Variants in NEGR1 observed in about 807,000 individuals in gnomAD.
The protein encoded by NEGR1 is neuronal growth regulator 1.
NEGR1 carries 10 observed loss-of-function variants against 40.9 expected under a neutral mutation model. The observed-to-expected ratio is 0.24, with a 90% CI of 0.15 to 0.42. The LOEUF is 0.42. Ranked by LOEUF, NEGR1 falls within the 10% of genes least tolerant of loss-of-function variation. The pLI is 1.00. For synonymous variants in NEGR1, 185 were observed against 166.8 expected, an observed-to-expected ratio of 1.11 and a Z score of -0.84; for missense variants, 352 against 438.9, an observed-to-expected ratio of 0.80 and a Z score of 1.77.
At chr1:71,448,426 GCA>G (rs1646598538) in intron 6 of NEGR1, among the ~76,000 whole-genome samples, 1 of 151,884 alleles carries the variant, frequency 6.6e-6, no homozygotes, top group Non-Finnish European at 1.5e-5. Context: ...TGGCAAAACC[GCA>G]TCTCTACTAA....
At chr1:71,719,123 C>T (rs950060929) in intron 3 of NEGR1, among the ~76,000 whole-genome samples, 3 of 151,882 alleles carry the variant, frequency 2.0e-5, no homozygotes, top group African/African-American at 7.3e-5. Flanking sequence ...TATTTTTTTC[C>T]CTAACATATT....
chr1:71,898,435 G>A (rs909174398), intron 2 of NEGR1, among the ~76,000 whole-genome samples: 1 of 152,022 alleles, frequency 6.6e-6, no homozygotes, highest in African/African-American at 2.4e-5. Flanking sequence ...CTAACACATT[G>A]AAACCCCGTC....
At chr1:71,993,336 G>A (rs1442677614) in intron 1 of NEGR1, among the ~76,000 whole-genome samples, 2 of 152,132 alleles carry the variant, frequency 1.3e-5, no homozygotes, top group African/African-American at 2.4e-5. Context: ...AGAACAGAGA[G>A]GAGACTTAAG....
intron 1 of NEGR1, among the ~76,000 whole-genome samples, chr1:72,141,313 A>T (rs1650668542): frequency 6.6e-6 from 1 of 152,034 alleles, no homozygotes; most frequent in Non-Finnish European, 1.5e-5. Flanking sequence ...CATTTCTAAG[A>T]AATTATAAAA....
intron 2 of NEGR1, among the ~76,000 whole-genome samples, chr1:71,800,517 T>A (rs1394121354): frequency 6.6e-6 from 1 of 152,228 alleles, no homozygotes; most frequent in African/African-American, 2.4e-5. Flanking sequence ...CCTGACATAC[T>A]GTAGGTGCTC....
chr1:71,414,701 G>A (rs1206255566), intron 6 of NEGR1, among the ~76,000 whole-genome samples: 1 of 152,136 alleles, frequency 6.6e-6, no homozygotes, highest in Non-Finnish European at 1.5e-5. Flanking sequence ...GCATGCTCCT[G>A]TACTGTAGAC....
In NEGR1 at chr1:71,637,579, T is replaced by C. The variant is rs542988695; in HGVS notation, c.668-26433A>G. Among the ~76,000 whole-genome samples the C allele has an allele frequency of 2.6e-5, 4 of 152,104 alleles. No individual in the cohort carries two copies. The South Asian group carries it at 6.2e-4, about 24-fold the overall frequency. ...GCTTAGAGGATTATAAAAAAATCTC[T>C]ATAAAAATTTGTACATGATATGTAA... On this transcript the variant is annotated intron_variant, in intron 4 of 6. Transcript: ENST00000357731.
chr1:72,158,585 C>A (rs1413486883), intron 1 of NEGR1, among the ~76,000 whole-genome samples: 3 of 152,178 alleles, frequency 2.0e-5, no homozygotes, highest in Non-Finnish European at 4.4e-5. Context: ...TCTTACTTTC[C>A]TTCTCCTCTG....
intron 6 of NEGR1, among the ~76,000 whole-genome samples, chr1:71,537,840 G>C (rs1647558820): frequency 6.6e-6 from 1 of 151,658 alleles, no homozygotes; most frequent in South Asian, 2.1e-4. Flanking sequence ...TAACTTGTAA[G>C]CAGTGAAATA....
intron 3 of NEGR1, among the ~76,000 whole-genome samples, chr1:71,732,001 G>A (rs1446083089): frequency 1.3e-5 from 2 of 152,124 alleles, no homozygotes; most frequent in African/African-American, 4.8e-5. Context: ...TGAGGCATTG[G>A]TGTTTATTAT....
At chr1:72,060,342 G>C (rs1179305589) in intron 1 of NEGR1, among the ~76,000 whole-genome samples, 1 of 151,580 alleles carries the variant, frequency 6.6e-6, no homozygotes, top group Non-Finnish European at 1.5e-5. Context: ...CTATTGCTCT[G>C]AATTAGTTTT....
chr1:71,809,991 G>A (rs759078305), intron 2 of NEGR1, among the ~76,000 whole-genome samples: 6 of 152,152 alleles, frequency 3.9e-5, no homozygotes, highest in Non-Finnish European at 8.8e-5. Context: ...ATTTTCAAAA[G>A]ATTTTTATTA....
intron 6 of NEGR1, among the ~76,000 whole-genome samples, chr1:71,436,024 A>G (rs1442109015): frequency 6.6e-6 from 1 of 152,172 alleles, no homozygotes; most frequent in Non-Finnish European, 1.5e-5. Context: ...TATGGAAGAG[A>G]ACTCCAATAG....
chr1:72,222,483 T>C (rs1182245873), intron 1 of NEGR1, among the ~76,000 whole-genome samples: 2 of 152,266 alleles, frequency 1.3e-5, no homozygotes, highest in Non-Finnish European at 2.9e-5. Flanking sequence ...CATGAAATCA[T>C]TGAAGAAATA....
chr1:71,777,073 A>C (rs988894629), intron 2 of NEGR1, among the ~76,000 whole-genome samples: 4 of 152,112 alleles, frequency 2.6e-5, no homozygotes, highest in African/African-American at 9.7e-5. Flanking sequence ...TAATCACATA[A>C]TACATTCGGG....
chr1:71,588,404 C>A (rs919445270), intron 6 of NEGR1, among the ~76,000 whole-genome samples: 1 of 152,102 alleles, frequency 6.6e-6, no homozygotes, highest in African/African-American at 2.4e-5. Flanking sequence ...GCACAATATT[C>A]TCTCTGCCTT....
chr1:71,965,376 A>G (rs1646201956), intron 1 of NEGR1, among the ~76,000 whole-genome samples: 2 of 152,214 alleles, frequency 1.3e-5, no homozygotes, highest in East Asian at 1.9e-4. Flanking sequence ...AGCTGAATGT[A>G]TTATAAACAC....
intron 4 of NEGR1, among the ~76,000 whole-genome samples, chr1:71,654,878 C>T (rs927322776): frequency 2.6e-5 from 4 of 151,764 alleles, no homozygotes; most frequent in Admixed American, 2.0e-4. Context: ...AAATATTTTC[C>T]CACTGAGAAA....
chr1:71,725,072 A>G (rs1654628420), intron 3 of NEGR1, among the ~76,000 whole-genome samples: 1 of 152,144 alleles, frequency 6.6e-6, no homozygotes, highest in Non-Finnish European at 1.5e-5. Flanking sequence ...ACTGTTTCAT[A>G]TATTCTTGTC....
Sources: gnomAD v4.1 joint callset for allele counts (sites outside exome capture counted in the v4.1 genomes callset) on GRCh38, gnomAD v4.1.1 for gene constraint, MANE v1.5 for transcripts, NCBI Gene and HGNC (gene_info 2026-07-23, HGNC 2026-07-21) for gene names.